Variants in ACTL6A observed in about 807,000 individuals in gnomAD.
ACTL6A encodes the protein actin like 6A.
ACTL6A carries 5 observed loss-of-function variants against 59.2 expected under a neutral mutation model. The observed-to-expected ratio is 0.08, with a 90% confidence interval of 0.04 to 0.18. ACTL6A has a LOEUF of 0.18. ACTL6A is among the 10% of genes least tolerant of loss of function. ACTL6A has a pLI of 1.00. For synonymous variants in ACTL6A, 154 were observed against 171.8 expected, an observed-to-expected ratio of 0.90 and a Z score of 0.81; for missense variants, 285 against 526.9, an observed-to-expected ratio of 0.54 and a Z score of 4.49.
At chr3:179,580,558 A>G in intron 8 of ACTL6A, 82 bp from the exon 9 acceptor site, 1 of 992,684 alleles carries the variant, frequency 1.0e-6, no homozygotes, top group South Asian at 1.6e-5. Flanking sequence ...TCATTCAGAA[A>G]AGTATTTAAA....
chr3:179,576,782 T>G, intron 7 of ACTL6A, 42 bp from the exon 8 acceptor site: 1 of 1,609,812 alleles, frequency 6.2e-7, no homozygotes, highest in Non-Finnish European at 8.5e-7. Flanking sequence ...CCCACCCCTA[T>G]GAAGTGAACT....
At chr3:179,564,095 A>G (rs1717758580) in intron 1 of ACTL6A, among the ~76,000 whole-genome samples, 2 of 152,192 alleles carry the variant, frequency 1.3e-5, no homozygotes, top group Admixed American at 1.3e-4. Context: ...CCTGTTAGAA[A>G]TGCAGGATCT....
intron 12 of ACTL6A, chr3:179,583,690 C>T (rs766772118): frequency 2.6e-5 from 8 of 311,678 alleles, no homozygotes; most frequent in Non-Finnish European, 4.2e-5. Flanking sequence ...GGCACTAGTC[C>T]CTGCACACCA....
At chr3:179,563,600 C>T (rs1309811982) in intron 1 of ACTL6A, among the ~76,000 whole-genome samples, 7 of 152,202 alleles carry the variant, frequency 4.6e-5, no homozygotes, top group Non-Finnish European at 7.3e-5. Flanking sequence ...CAAAGCGAGC[C>T]TCAAGCCGTA....
In ACTL6A at chr3:179,581,181, C is replaced by G; in HGVS notation, c.987C>G (p.Val329=). The change falls in exon 11 of 14, where the codon GTC becomes GTG. Residue 329 remains valine, a synonymous_variant. Coordinates refer to ENST00000429709, the MANE Select transcript of ACTL6A (RefSeq NM_004301.5). The part of the protein sequence containing the change: ...GNTMLGVSHV[V]TTSVGMCDID... ...CAATGTTAGGAGTCAGTCATGTTGT[C>G]ACCACAAGTGTTGGGATGTGTGATA... The G allele has an allele frequency of 6.2e-7, 1 of 1,613,954 alleles. No individual in the cohort carries two copies. Among genetic ancestry groups the G allele is most frequent in the Non-Finnish European group, 8.5e-7 (1 of 1,179,890 alleles).
chr3:179,572,457 T>G (rs949446225), intron 3 of ACTL6A, among the ~76,000 whole-genome samples: 1 of 152,136 alleles, frequency 6.6e-6, no homozygotes, highest in African/African-American at 2.4e-5. Flanking sequence ...CTGTCATAAT[T>G]TAGAGAAGTC....
Position 179,588,159 on chromosome 3 carries a change from G to A in ACTL6A, c.*149G>A. The A allele has an allele frequency of 1.9e-6, 1 of 526,004 alleles. No individual in the cohort carries two copies. Among genetic ancestry groups the A allele is most frequent in the Non-Finnish European group, 3.2e-6 (1 of 311,822 alleles). The allele number at this position is 526,004 out of a possible 1,614,324, so 32.6% of individuals were successfully genotyped here. ...CTTAAATTTTTTAAAGCTTTAACTGGCTCTATAAATTAAGTTTGTGCTTTC... is the reference window on the plus strand; with the variant it reads ...CTTAAATTTTTTAAAGCTTTAACTGACTCTATAAATTAAGTTTGTGCTTTC... On this transcript the variant is annotated 3_prime_UTR_variant, in exon 14 of 14. Transcript: ENST00000429709.
chr3:179,586,482 A>G, intron 12 of ACTL6A, 64 bp from the exon 13 acceptor site: 2 of 1,271,614 alleles, frequency 1.6e-6, no homozygotes, highest in Non-Finnish European at 1.1e-6. Flanking sequence ...AAAAAAAAAA[A>G]AAAAGAATTT....
Position 179,581,220 on chromosome 3 carries a change from A to C in ACTL6A, c.1026A>C (p.Pro342=), listed in dbSNP as rs1187320360. 1 of 1,608,714 alleles carries C rather than the reference A, an allele frequency of 6.2e-7. No homozygotes were observed. The highest frequency in any genetic ancestry group is 8.5e-7 in the Non-Finnish European group (1 of 1,175,082). ...GGATGTGTGATATTGACATCAGACC[A>C]GTAAGTGCCAGTCTCCTGTTACGGT... The part of the protein sequence containing the change: ...SVGMCDIDIR[P]GLYGSVIVAG... The change falls in exon 11 of 14, where the codon CCA becomes CCC. Residue 342 remains proline, a splice_region_variant and synonymous_variant. Coordinates refer to ENST00000429709, the MANE Select transcript of ACTL6A (RefSeq NM_004301.5).
intron 1 of ACTL6A, among the ~76,000 whole-genome samples, chr3:179,563,920 T>C (rs996469167): frequency 3.3e-5 from 5 of 152,180 alleles, no homozygotes; most frequent in Non-Finnish European, 7.3e-5. Context: ...CACTCTTTAT[T>C]AAGCGCTTTG....
intron 8 of ACTL6A, among the ~76,000 whole-genome samples, chr3:179,578,898 T>C (rs139480652): frequency 1.3e-3 from 192 of 152,230 alleles, no homozygotes; most frequent in African/African-American, 4.5e-3. Context: ...CCTGAGTAGC[T>C]GGGACTACAG....
chr3:179,582,575 A>G (rs755003142), intron 11 of ACTL6A, among the ~76,000 whole-genome samples: 2 of 152,210 alleles, frequency 1.3e-5, no homozygotes, highest in Non-Finnish European at 2.9e-5. Flanking sequence ...ATAATCATAA[A>G]ATAATTGTCT....
chr3:179,578,060 C>G (rs1454445613), intron 8 of ACTL6A, among the ~76,000 whole-genome samples: 3 of 152,182 alleles, frequency 2.0e-5, no homozygotes, highest in African/African-American at 7.2e-5. Context: ...TGGCTCACGC[C>G]TGTAATTTGA....
At chr3:179,586,771 C>G in intron 13 of ACTL6A, 139 bp downstream of exon 13, 1 of 703,024 alleles carries the variant, frequency 1.4e-6, no homozygotes. Flanking sequence ...AATGGAATAA[C>G]CAGTTTTATG....
chr3:179,567,330 C>T (rs966636646), intron 1 of ACTL6A, among the ~76,000 whole-genome samples: 1 of 152,200 alleles, frequency 6.6e-6, no homozygotes, highest in African/African-American at 2.4e-5. Context: ...TGTGCCATTG[C>T]ACCCCAGCCT....
At chr3:179,576,768 C>T in intron 7 of ACTL6A, 42 bp downstream of exon 7, 1 of 1,606,544 alleles carries the variant, frequency 6.2e-7, no homozygotes, top group South Asian at 1.1e-5. Flanking sequence ...TTACTTCTAG[C>T]TCCCCCACCC....
At chr3:179,581,283 T>C in intron 11 of ACTL6A, 63 bp downstream of exon 11, 1 of 1,320,384 alleles carries the variant, frequency 7.6e-7, no homozygotes, top group Non-Finnish European at 1.1e-6. Flanking sequence ...TGTCCCCAAA[T>C]CATTGTTAGG....
At chr3:179,584,392 C>T (rs903253177) in intron 12 of ACTL6A, 1 of 151,980 alleles carries the variant, frequency 6.6e-6, no homozygotes, top group Non-Finnish European at 1.5e-5. Context: ...TTTGGGAGGC[C>T]GAGGCAGATG....
rs370323903 is a variant in ACTL6A, at chr3:179,570,277, G to A, written c.277+36G>A. On this transcript the variant is annotated intron_variant, in intron 3 of 13. Transcript: ENST00000429709. The surrounding 1 kb of genome is among the most constrained non-coding windows in gnomAD (Gnocchi z 4.3). ...TTCCCCATGGAATTGATTATGGAGT[G>A]TACATGTTATATTTTAGATACAAAG... 1.8e-4 allele frequency: 280 copies of A among 1,526,008 alleles called. No homozygotes were observed. In the African/African-American group the frequency reaches 2.6e-3, roughly 14 times the overall value. 94.5% of individuals were successfully genotyped at this position (1,526,008 alleles called of 1,614,324 possible).
Sources: gnomAD v4.1 joint callset for allele counts (sites outside exome capture counted in the v4.1 genomes callset) on GRCh38, gnomAD v4.1.1 for gene constraint, Gnocchi (gnomAD v3.1) non-coding constraint, MANE v1.5 for transcripts, NCBI Gene and HGNC (gene_info 2026-07-23, HGNC 2026-07-21) for gene names.